ALKBH3: variants seen among roughly 807,000 people sequenced by gnomAD.
ALKBH3 encodes the protein alkB homolog 3, alpha-ketoglutarate dependent dioxygenase.
In ALKBH3, 51 loss-of-function variants were observed where a neutral mutation model predicts 43.9. The ratio of observed to expected loss-of-function variants is 1.16; its 90% CI spans 0.93 to 1.47. The LOEUF (loss-of-function observed/expected upper bound fraction) is 1.47, where lower values mean the gene tolerates loss of function less well. Ranked by LOEUF, ALKBH3 falls within the 40% of genes most tolerant of loss-of-function variation. The probability of loss-of-function intolerance (pLI) is 0.00; values close to 1 mark genes in which losing one functional copy is unlikely to be tolerated. For synonymous variants in ALKBH3, 102 were observed against 115.2 expected (o/e 0.89, Z 0.73); for missense variants, 361 against 351.9 (o/e 1.03, Z -0.21).
intron 8 of ALKBH3, among the ~76,000 whole-genome samples, chr11:43,905,312 C>T (rs767584730): frequency 1.8e-4 from 28 of 152,150 alleles, no homozygotes; most frequent in African/African-American, 5.6e-4. Flanking sequence ...TGTGCTGAGA[C>T]GGTAAGGAGA....
rs1028527577 is a variant in ALKBH3, at chr11:43,880,852, G to C, written c.-398G>C. The C allele has an allele frequency of 7.2e-5, 11 of 152,232 alleles. No homozygotes were observed. Among genetic ancestry groups the C allele is most frequent in the African/African-American group, 2.7e-4 (11 of 41,450 alleles). The allele number at this position is 152,232 out of a possible 1,614,324, so 9.4% of individuals were successfully genotyped here. Reference sequence around the variant, plus strand: ...CTTCACTCTTAAGGTTCCGATCACAGACTGCGGAGTGGGTCAGGGGCTGCG... The same window carrying C: ...CTTCACTCTTAAGGTTCCGATCACACACTGCGGAGTGGGTCAGGGGCTGCG... On this transcript the variant is annotated 5_prime_UTR_variant, in exon 1 of 10. Coordinates refer to ENST00000302708, the MANE Select transcript of ALKBH3 (RefSeq NM_139178.4).
intron 7 of ALKBH3, 41 bp from the exon 8 acceptor site, chr11:43,901,475 A>C: frequency 6.2e-7 from 1 of 1,605,950 alleles, no homozygotes; most frequent in Non-Finnish European, 8.5e-7. Flanking sequence ...TTTTGTGTGT[A>C]ATGCGACTGT....
At chr11:43,882,269 T>C (rs1412293145) in intron 1 of ALKBH3, among the ~76,000 whole-genome samples, 1 of 152,224 alleles carries the variant, frequency 6.6e-6, no homozygotes, top group Non-Finnish European at 1.5e-5. Context: ...AATAGTACAG[T>C]TTCCTTATAT....
At chr11:43,893,643 A>G (rs2135184235) in intron 7 of ALKBH3, among the ~76,000 whole-genome samples, 1 of 152,308 alleles carries the variant, frequency 6.6e-6, no homozygotes. Flanking sequence ...TTCTGTAACA[A>G]TAAAATAGTC....
At chr11:43,889,909 A>C in intron 6 of ALKBH3, 81 bp downstream of exon 6, 1 of 1,198,094 alleles carries the variant, frequency 8.3e-7, no homozygotes, top group Non-Finnish European at 1.2e-6. Flanking sequence ...ACTTCTGCTC[A>C]CCAAAGCTAG....
rs1290425941 is a variant in ALKBH3, at chr11:43,889,759, G to GA, written c.303dup (p.Ala102SerfsTer2). On this transcript the variant is annotated frameshift_variant, in exon 6 of 10. Coordinates refer to ENST00000302708, the MANE Select transcript of ALKBH3 (RefSeq NM_139178.4). LOFTEE classifies it high-confidence loss of function. ...GTATCCTGGCTTTGTTGACGTGAAA[G>GA]AAGCTGACTGGATATTGGAACAGCT... 4.3e-6 allele frequency: 7 copies of GA among 1,614,118 alleles called. No individual in the cohort carries two copies. The highest frequency in any genetic ancestry group is 5.1e-6 in the Non-Finnish European group (6 of 1,179,992).
In ALKBH3 at chr11:43,909,091, C is replaced by G. The variant is rs925176118; in HGVS notation, c.669+7366C>G. ...AAGAGTTTTAGAAAAACTCAAAGAT[C>G]TGTATGTGCCAAGTAAACTGTTTCG... is the stretch of plus-strand genomic sequence containing the variant. On this transcript the variant is annotated intron_variant, in intron 8 of 9. Transcript: ENST00000302708. 1.5e-4 allele frequency among the ~76,000 whole-genome samples: 23 copies of G among 152,218 alleles called. 1 individual carries two copies. The highest frequency in any genetic ancestry group is 5.5e-4 in the African/African-American group (23 of 41,452).
At chr11:43,905,101 T>C (rs1001482273) in intron 8 of ALKBH3, among the ~76,000 whole-genome samples, 5 of 152,234 alleles carry the variant, frequency 3.3e-5, no homozygotes, top group African/African-American at 1.2e-4. Context: ...TTTGTTCAAA[T>C]GTGCAGTTTT....
At chr11:43,882,458 TA>T (rs1951718411) in intron 1 of ALKBH3, 124 bp from the exon 2 acceptor site, 2 of 476,554 alleles carry the variant, frequency 4.2e-6, no homozygotes, top group South Asian at 8.3e-5. Context: ...TGTGATGACA[TA>T]AACTGATTTT....
chr11:43,915,538 T>TA (rs760770346), intron 8 of ALKBH3, among the ~76,000 whole-genome samples: 150 of 152,102 alleles, frequency 9.9e-4, no homozygotes, highest in Non-Finnish European at 1.7e-3. Context: ...TCCCTCTTTT[T>TA]AAAAAAAAAT....
At chr11:43,910,326 C>T (rs1197009215) in intron 8 of ALKBH3, 1 of 152,204 alleles carries the variant, frequency 6.6e-6, no homozygotes, top group East Asian at 1.9e-4. Context: ...TTTAGTTCTA[C>T]ATATGTTGAT....
chr11:43,883,924 G>A (rs943095681), intron 3 of ALKBH3, 59 bp from the exon 4 acceptor site: 1 of 1,592,988 alleles, frequency 6.3e-7, no homozygotes, highest in South Asian at 1.1e-5. Flanking sequence ...GATATGGTAA[G>A]TCAGTATCCT....
intron 4 of ALKBH3, among the ~76,000 whole-genome samples, chr11:43,884,858 C>T (rs1431484053): frequency 6.6e-6 from 1 of 152,066 alleles, no homozygotes; most frequent in Non-Finnish European, 1.5e-5. Context: ...CTCAAGTGAT[C>T]CTCCCACCTC....
At chr11:43,884,272 C>G (rs1444830782) in intron 4 of ALKBH3, among the ~76,000 whole-genome samples, 1 of 149,178 alleles carries the variant, frequency 6.7e-6, no homozygotes, top group African/African-American at 2.5e-5. Flanking sequence ...GGCCCTATTT[C>G]ACCGATATCT....
chr11:43,913,147 A>G (rs1433727864), intron 8 of ALKBH3, among the ~76,000 whole-genome samples: 1 of 150,436 alleles, frequency 6.6e-6, no homozygotes, highest in Admixed American at 6.6e-5. Flanking sequence ...AAACTTGGTC[A>G]TGGTACACAA....
At position 43,901,512 on chromosome 11, in the gene ALKBH3, G is replaced by A; in HGVS notation, c.460-4G>A. ...TTGCCCTTTTCTTGGTCTGTGGATT[G>A]CAGTGGCACCCTGTGCTGCGCACAC... is the stretch of plus-strand genomic sequence containing the variant. On this transcript the variant is annotated splice_region_variant and splice_polypyrimidine_tract_variant and intron_variant, in intron 7 of 9. Transcript: ENST00000302708. 2.5e-6 allele frequency: 4 copies of A among 1,613,078 alleles called. No homozygotes were observed. Among genetic ancestry groups the A allele is most frequent in the Non-Finnish European group, 3.4e-6 (4 of 1,179,920 alleles).
At chr11:43,886,554 T>G (rs3740983) in intron 4 of ALKBH3, 52 bp from the exon 5 acceptor site, 409,068 of 1,569,180 alleles carry the variant, frequency 0.26, 57,381 homozygotes, top group Admixed American at 0.48. Context: ...CCACTGGGTA[T>G]AGCATATTGT....
chr11:43,918,069 C>G (rs976079997), intron 8 of ALKBH3, among the ~76,000 whole-genome samples: 2 of 152,172 alleles, frequency 1.3e-5, no homozygotes, highest in East Asian at 3.9e-4. Flanking sequence ...AAATGTAACC[C>G]TTTCTACCGG....
chr11:43,900,887 G>C (rs1951859106), intron 7 of ALKBH3, among the ~76,000 whole-genome samples: 1 of 152,156 alleles, frequency 6.6e-6, no homozygotes, highest in Admixed American at 6.5e-5. Flanking sequence ...TAAGTCTTCT[G>C]TAGTTGATGG....
Sources: gnomAD v4.1 joint callset for allele counts (sites outside exome capture counted in the v4.1 genomes callset) on GRCh38, gnomAD v4.1.1 for gene constraint, MANE v1.5 for transcripts, NCBI Gene and HGNC (gene_info 2026-07-23, HGNC 2026-07-21) for gene names.